Variants in ESR2 observed in about 807,000 individuals in gnomAD.
ESR2 encodes the protein estrogen receptor beta.
A neutral mutation model predicts 49.6 loss-of-function variants in ESR2; 36 were observed. The ratio of observed to expected loss-of-function variants is 0.73; its 90% CI spans 0.56 to 0.96. The LOEUF (loss-of-function observed/expected upper bound fraction) is 0.96. ESR2 is among the 40% of genes least tolerant of loss of function. ESR2 has a pLI of 0.00. For synonymous variants in ESR2, 320 were observed against 266.1 expected, an observed-to-expected ratio of 1.20 and a Z score of -1.97; for missense variants, 714 against 693.0, an observed-to-expected ratio of 1.03 and a Z score of -0.34.
At chr14:64,257,458 A>G in intron 5 of ESR2, 94 bp from the exon 6 acceptor site, 1 of 1,465,226 alleles carries the variant, frequency 6.8e-7, no homozygotes. Flanking sequence ...AAACACTAAG[A>G]AAACACAAAC....
At chr14:64,315,485 A>T (rs1209046846) in intron 1 of ESR2, among the ~76,000 whole-genome samples, 1 of 151,542 alleles carries the variant, frequency 6.6e-6, no homozygotes, top group African/African-American at 2.4e-5. Flanking sequence ...TTATTTATTT[A>T]TTTTTTTGAG....
downstream of ESR2, chr14:64,227,435 A>T: frequency 7.2e-7 from 1 of 1,391,978 alleles, no homozygotes; most frequent in Non-Finnish European, 9.9e-7. Flanking sequence ...CTCTTTCTTT[A>T]AAATTATTTT....
At chr14:64,255,306 G>C (rs1384601852) in intron 6 of ESR2, among the ~76,000 whole-genome samples, 1 of 151,858 alleles carries the variant, frequency 6.6e-6, no homozygotes, top group East Asian at 1.9e-4. Context: ...ATGTATATTT[G>C]GCCCCAGTTA....
intron 7 of ESR2, among the ~76,000 whole-genome samples, chr14:64,237,802 T>G (rs971766050): frequency 2.0e-5 from 3 of 152,202 alleles, no homozygotes; most frequent in African/African-American, 7.2e-5. Context: ...TGATTCCATT[T>G]ATAATAAAAT....
chr14:64,266,337 T>A (rs1596416423), intron 4 of ESR2, among the ~76,000 whole-genome samples: 1 of 152,228 alleles, frequency 6.6e-6, no homozygotes, highest in Non-Finnish European at 1.5e-5. Flanking sequence ...TTCAGAGACA[T>A]GAAAACCAAG....
chr14:64,302,315 T>C (rs2140868137), intron 1 of ESR2, among the ~76,000 whole-genome samples: 1 of 151,586 alleles, frequency 6.6e-6, no homozygotes, highest in African/African-American at 2.4e-5. Flanking sequence ...GCCTCCCAAA[T>C]AGCTGGGACT....
chr14:64,246,621 G>A (rs1403033214), intron 7 of ESR2, among the ~76,000 whole-genome samples: 1 of 150,696 alleles, frequency 6.6e-6, no homozygotes, highest in African/African-American at 2.4e-5. Flanking sequence ...CAGCTACTTG[G>A]GATGCTGAGG....
At chr14:64,249,753 A>ATTG in intron 6 of ESR2, 74 bp from the exon 7 acceptor site, 1 of 1,448,904 alleles carries the variant, frequency 6.9e-7, no homozygotes, top group Non-Finnish European at 9.5e-7. Flanking sequence ...GGAATGTTTT[A>ATTG]TTTTTAATCT....
Position 64,328,476 on chromosome 14 carries a change from G to A in ESR2, c.-91+9422C>T, listed in dbSNP as rs12896656. On this transcript the variant is annotated intron_variant, in intron 1 of 8. Coordinates refer to the ESR2 transcript ENST00000358599. ...TGTTCAGTAATTCCAATAGTCCCAA[G>A]AGGGTGTCATTTCAGAAACCATCCT... is the stretch of plus-strand genomic sequence containing the variant. Among the ~76,000 whole-genome samples, 38 of 152,046 alleles carry A rather than the reference G, an allele frequency of 2.5e-4. 1 individual carries two copies. Among genetic ancestry groups the A allele is most frequent in the Admixed American group, 7.9e-4 (12 of 15,270 alleles).
upstream of ESR2, chr14:64,338,441 G>C (rs567282469): frequency 1.2e-4 from 18 of 154,984 alleles, no homozygotes; most frequent in South Asian, 2.8e-3. Flanking sequence ...TGACAAAGTC[G>C]GAAGGCGCGC....
intron 5 of ESR2, 67 bp from the exon 6 acceptor site, chr14:64,257,431 C>A: frequency 6.3e-7 from 1 of 1,584,232 alleles, no homozygotes; most frequent in Non-Finnish European, 8.6e-7. Flanking sequence ...TGTGTAGAGA[C>A]AGAATGGCAA....
chr14:64,288,652 T>G (rs548195420), intron 1 of ESR2, among the ~76,000 whole-genome samples: 3 of 150,534 alleles, frequency 2.0e-5, no homozygotes, highest in Admixed American at 1.3e-4. Context: ...CAGCCAAGAC[T>G]AGACTGGTTT....
intron 1 of ESR2, among the ~76,000 whole-genome samples, chr14:64,310,106 C>T (rs965456006): frequency 6.0e-5 from 9 of 150,966 alleles, no homozygotes; most frequent in Non-Finnish European, 1.0e-4. Context: ...AAGCTCGTCT[C>T]TACTAAAAAT....
chr14:64,254,766 AAAAC>A (rs1222589696), intron 6 of ESR2, among the ~76,000 whole-genome samples: 3 of 151,858 alleles, frequency 2.0e-5, no homozygotes, highest in Admixed American at 1.3e-4. Flanking sequence ...TCAAAAACAA[AAAAC>A]AAACAAACAA....
At chr14:64,299,710 C>T (rs949649844) in intron 1 of ESR2, among the ~76,000 whole-genome samples, 3 of 152,110 alleles carry the variant, frequency 2.0e-5, no homozygotes, top group Non-Finnish European at 2.9e-5. Flanking sequence ...GTGCACAGAG[C>T]GTGCTTCTTT....
intron 1 of ESR2, among the ~76,000 whole-genome samples, chr14:64,305,650 A>G (rs932560680): frequency 6.6e-6 from 1 of 151,680 alleles, no homozygotes; most frequent in Non-Finnish European, 1.5e-5. Context: ...CAGCCTGGGC[A>G]ACACAGCGAG....
chr14:64,237,571 A>G (rs1273605778), intron 7 of ESR2, among the ~76,000 whole-genome samples: 1 of 152,240 alleles, frequency 6.6e-6, no homozygotes, highest in African/African-American at 2.4e-5. Flanking sequence ...AAGATTGAAA[A>G]TATAAAAACA....
At chr14:64,266,836 T>A (rs1812664978) in intron 4 of ESR2, among the ~76,000 whole-genome samples, 1 of 152,190 alleles carries the variant, frequency 6.6e-6, no homozygotes, top group Non-Finnish European at 1.5e-5. Flanking sequence ...CCTATCTCAA[T>A]AGCTATTAGT....
At chr14:64,265,203 G>A (rs1457053609) in intron 4 of ESR2, among the ~76,000 whole-genome samples, 2 of 152,158 alleles carry the variant, frequency 1.3e-5, no homozygotes, top group African/African-American at 4.8e-5. Context: ...TGAGCTTAAT[G>A]AGCAGCTCCA....
Sources: allele counts gnomAD v4.1 joint callset (sites outside exome capture counted in the v4.1 genomes callset), GRCh38; gene constraint gnomAD v4.1.1; transcripts MANE v1.5; gene names NCBI Gene and HGNC (gene_info 2026-07-23, HGNC 2026-07-21).